Variants in CDH20 observed in about 807,000 individuals in gnomAD.
CDH20 encodes cadherin 20.
CDH20 carries 29 observed loss-of-function variants against 74.2 expected under a neutral mutation model. That is an observed-to-expected ratio of 0.39 (90% CI 0.29 to 0.53). The LOEUF (loss-of-function observed/expected upper bound fraction) is 0.53. CDH20 is among the 20% of genes least tolerant of loss of function. The pLI is 0.69. For missense variants in CDH20, 988 were observed against 1,048.3 expected (o/e 0.94, Z 0.79); for synonymous variants, 469 against 405.4 (o/e 1.16, Z -1.88).
chr18:61,396,414 T>C (rs940076159), intron 1 of CDH20, among the ~76,000 whole-genome samples: 8 of 152,178 alleles, frequency 5.3e-5, no homozygotes, highest in Non-Finnish European at 1.2e-4. Context: ...CCTTTTTTTT[T>C]AAGACCAGTT....
intron 9 of CDH20, among the ~76,000 whole-genome samples, chr18:61,540,113 T>A (rs1912972945): frequency 6.6e-6 from 1 of 152,200 alleles, no homozygotes; most frequent in Middle Eastern, 3.2e-3. Flanking sequence ...CTGCTCCTGC[T>A]TTTGTAAGAT....
At chr18:61,364,471 C>T (rs1048501134) in intron 1 of CDH20, among the ~76,000 whole-genome samples, 1 of 152,190 alleles carries the variant, frequency 6.6e-6, no homozygotes, top group East Asian at 1.9e-4. Flanking sequence ...CGCCACCACA[C>T]CCAGCTAACT....
At chr18:61,454,051 T>C (rs1291322679) in intron 1 of CDH20, among the ~76,000 whole-genome samples, 1 of 152,156 alleles carries the variant, frequency 6.6e-6, no homozygotes, top group Admixed American at 6.6e-5. Flanking sequence ...ATTTCTCTAA[T>C]GACTAATGAT....
At chr18:61,550,901 G>A (rs1479468120) in intron 11 of CDH20, among the ~76,000 whole-genome samples, 1 of 152,224 alleles carries the variant, frequency 6.6e-6, no homozygotes, top group Non-Finnish European at 1.5e-5. Flanking sequence ...TGAAGGAAGT[G>A]ATGGTGTGAA....
chr18:61,406,191 A>T (rs1222295622), intron 1 of CDH20, among the ~76,000 whole-genome samples: 1 of 152,148 alleles, frequency 6.6e-6, no homozygotes, highest in Non-Finnish European at 1.5e-5. Flanking sequence ...TTGTTCAAGT[A>T]TGAAGGTGAA....
chr18:61,518,966 G>C (rs1242099879), intron 6 of CDH20, among the ~76,000 whole-genome samples: 2 of 151,112 alleles, frequency 1.3e-5, no homozygotes, highest in Non-Finnish European at 2.9e-5. Context: ...TGAGAACTTC[G>C]TTAAGCATAC....
At chr18:61,472,548 A>G (rs1910220171) in intron 1 of CDH20, among the ~76,000 whole-genome samples, 1 of 152,194 alleles carries the variant, frequency 6.6e-6, no homozygotes, top group African/African-American at 2.4e-5. Context: ...GCACTCCGTG[A>G]AAGGAGAAAA....
intron 3 of CDH20, 87 bp downstream of exon 3, chr18:61,499,567 T>A: frequency 9.6e-7 from 1 of 1,043,866 alleles, no homozygotes; most frequent in Non-Finnish European, 1.4e-6. Context: ...CACACACATG[T>A]AGATACACAT....
At chr18:61,444,734 A>G (rs1466461331) in intron 1 of CDH20, among the ~76,000 whole-genome samples, 1 of 152,170 alleles carries the variant, frequency 6.6e-6, no homozygotes, top group African/African-American at 2.4e-5. Context: ...CAGAGCTTTA[A>G]ACCTTCCTCT....
chr18:61,554,938 C>A lies in CDH20; in HGVS notation c.*243C>A. The A allele has an allele frequency of 7.3e-7, 1 of 1,363,044 alleles. No individual in the cohort carries two copies. Among genetic ancestry groups the A allele is most frequent in the Non-Finnish European group, 9.4e-7 (1 of 1,059,190 alleles). The allele number at this position is 1,363,044 out of a possible 1,614,324, so 84.4% of individuals were successfully genotyped here. On this transcript the variant is annotated 3_prime_UTR_variant, in exon 12 of 12. Transcript: ENST00000262717. ...TTTTTTTCTTTTCTTTTTGATTTTT[C>A]TGACACTGTGTGCGAAGGCTTGGAG... is the stretch of plus-strand genomic sequence containing the variant.
chr18:61,455,998 A>C (rs187386706), intron 1 of CDH20, among the ~76,000 whole-genome samples: 5 of 152,296 alleles, frequency 3.3e-5, no homozygotes, highest in Admixed American at 2.6e-4. Context: ...TTTAAGTTTA[A>C]ATCCTGGACC....
intron 7 of CDH20, among the ~76,000 whole-genome samples, chr18:61,532,235 A>C (rs373156891): frequency 2.2e-4 from 33 of 152,224 alleles, no homozygotes; most frequent in African/African-American, 5.8e-4. Context: ...GTAAAGATTA[A>C]ATGAGTCCAT....
chr18:61,387,339 T>C (rs1911633976), intron 1 of CDH20, among the ~76,000 whole-genome samples: 1 of 152,172 alleles, frequency 6.6e-6, no homozygotes, highest in Admixed American at 6.5e-5. Context: ...GGTAGACAAT[T>C]ACCAGGGTCT....
chr18:61,444,272 A>ATGGG (rs1241418112), intron 1 of CDH20, among the ~76,000 whole-genome samples: 3 of 152,152 alleles, frequency 2.0e-5, no homozygotes, highest in Non-Finnish European at 4.4e-5. Flanking sequence ...TGAATGGGTG[A>ATGGG]TGTTATATCA....
At chr18:61,456,575 T>C (rs1050724890) in intron 1 of CDH20, among the ~76,000 whole-genome samples, 7 of 152,070 alleles carry the variant, frequency 4.6e-5, no homozygotes, top group Admixed American at 1.3e-4. Context: ...GAAAGATGTA[T>C]TGGGAGCAAA....
chr18:61,354,049 A>C (rs1227952722), intron 1 of CDH20, among the ~76,000 whole-genome samples: 4 of 147,170 alleles, frequency 2.7e-5, no homozygotes, highest in Non-Finnish European at 6.2e-5. Flanking sequence ...GTCAAAAAAA[A>C]AAAAAGAAAA....
intron 1 of CDH20, among the ~76,000 whole-genome samples, chr18:61,487,520 A>G (rs1910808842): frequency 6.6e-6 from 1 of 152,232 alleles, no homozygotes; most frequent in Non-Finnish European, 1.5e-5. Flanking sequence ...AGACAGAAAG[A>G]GTTGGTACGA....
At chr18:61,343,376 TC>T (rs1910015508) in intron 1 of CDH20, among the ~76,000 whole-genome samples, 1 of 152,282 alleles carries the variant, frequency 6.6e-6, no homozygotes, top group African/African-American at 2.4e-5. Flanking sequence ...GCTGATATGA[TC>T]CACTATATAT....
intron 1 of CDH20, among the ~76,000 whole-genome samples, chr18:61,407,424 G>C (rs955066260): frequency 9.2e-5 from 14 of 152,144 alleles, no homozygotes; most frequent in African/African-American, 3.4e-4. Context: ...TAAGAGGTTG[G>C]GGTGGGGGAA....
Sources: allele counts gnomAD v4.1 joint callset (sites outside exome capture counted in the v4.1 genomes callset), GRCh38; gene constraint gnomAD v4.1.1; transcripts MANE v1.5; gene names NCBI Gene and HGNC (gene_info 2026-07-23, HGNC 2026-07-21).